STAG3: variants seen among roughly 807,000 people sequenced by gnomAD.
STAG3 encodes STAG3 cohesin complex component.
STAG3 carries 101 observed loss-of-function variants against 160.7 expected under a neutral mutation model. The observed-to-expected ratio is 0.63, with a 90% CI of 0.54 to 0.74. STAG3 has a LOEUF of 0.74. Among genes scored for constraint, STAG3 ranks in the 30% least tolerant of loss-of-function variants. The pLI is 0.00. For missense variants in STAG3, 1,188 were observed against 1,517.4 expected, an observed-to-expected ratio of 0.78 and a Z score of 3.61; for synonymous variants, 519 against 585.0, an observed-to-expected ratio of 0.89 and a Z score of 1.63.
intron 33 of STAG3, 67 bp from the exon 34 acceptor site, chr7:100,213,940 G>C (rs1422870538): frequency 6.2e-7 from 1 of 1,613,516 alleles, no homozygotes. Context: ...GGTAACCCAG[G>C]GGAGGATGGT....
chr7:100,214,409 G>A (rs189872166), downstream of STAG3: 27 of 250,820 alleles, frequency 1.1e-4, no homozygotes, highest in East Asian at 1.9e-3. Context: ...GCTTGAGATC[G>A]TTAAACTGAT....
chr7:100,185,638 T>G (rs1390390979), intron 4 of STAG3, among the ~76,000 whole-genome samples: 3 of 151,964 alleles, frequency 2.0e-5, no homozygotes, highest in Non-Finnish European at 4.4e-5. Flanking sequence ...AAAAAGATTA[T>G]TCTGATTATT....
intron 29 of STAG3, among the ~76,000 whole-genome samples, chr7:100,209,871 TG>T (rs1802016141): frequency 6.6e-6 from 1 of 152,012 alleles, no homozygotes; most frequent in Non-Finnish European, 1.5e-5. Flanking sequence ...GTATCTGAGA[TG>T]GGGAAGGCAG....
downstream of STAG3, chr7:100,218,303 T>A (rs562026590): frequency 1.8e-5 from 3 of 165,948 alleles, no homozygotes; most frequent in East Asian, 6.0e-4. Context: ...TAAAGAGTTA[T>A]GCTATAAACT....
intron 7 of STAG3, 49 bp downstream of exon 7, chr7:100,189,065 T>C (rs772093856): frequency 5.6e-6 from 9 of 1,594,916 alleles, no homozygotes; most frequent in Non-Finnish European, 6.9e-6. Context: ...TTTATAGGAC[T>C]TTCCTCTGTT....
rs1802149705 is a variant in STAG3, at chr7:100,211,055, GAA to G, written c.3285_3286del (p.Leu1097AlafsTer93). 2 of 1,613,924 alleles carry G rather than the reference GAA, an allele frequency of 1.2e-6. No homozygotes were observed. The highest frequency in any genetic ancestry group is 1.3e-5 in the African/African-American group (1 of 74,908). On this transcript the variant is annotated frameshift_variant, in exon 30 of 34. Coordinates refer to ENST00000615138, the MANE Select transcript of STAG3 (RefSeq NM_001282717.2). LOFTEE classifies it high-confidence loss of function. The part of the protein sequence containing the change: ...NREDVSSSQE[E>X]SLQLNSIPPT... Reference sequence around the variant, plus strand: ...AGAGGACGTCTCCTCGTCCCAGGAAGAAAGTCTGCAGCTGAACAGCATCCCGC... The same window carrying G: ...AGAGGACGTCTCCTCGTCCCAGGAAGAGTCTGCAGCTGAACAGCATCCCGC...
rs775168929 is a variant in STAG3, at chr7:100,197,793, C to T, written c.1081C>T (p.Leu361=). The stretch of plus-strand genomic sequence containing the variant: ...TCCTCACCAGCACCGAGAAGTCCGC[C>T]TGAAGTGTGTGAAGGCCCTGAAAGG... The part of the protein sequence containing the change: ...TLHDKHREVR[L]KCVKALKGLY... Residue 361 remains leucine (L), a synonymous_variant, in exon 11 of 34, where the codon CTG becomes TTG. Transcript: ENST00000615138. 7.4e-6 allele frequency: 12 copies of T among 1,613,772 alleles called. No individual in the cohort carries two copies. Among genetic ancestry groups the T allele is most frequent in the Middle Eastern group, 3.3e-4 (2 of 6,072 alleles).
At position 100,201,804 on chromosome 7, in the gene STAG3, A is replaced by C; in HGVS notation, c.2239A>C (p.Thr747Pro). The change falls in exon 22 of 34, where the codon ACT becomes CCT. Residue 747 changes from threonine to proline, a missense_variant. This residue lies in a region of STAG3 where 647 missense variants were observed against 717.2 expected (regional missense o/e 0.90). Coordinates refer to ENST00000615138, the MANE Select transcript of STAG3 (RefSeq NM_001282717.2). ...VPHQVILPALTLVYFSILWTL... is the reference protein window; with the variant it reads ...VPHQVILPALPLVYFSILWTL... The stretch of plus-strand genomic sequence containing the variant: ...GTTACAGGTTATCCTGCCAGCCTTG[A>C]CTCTTGTCTATTTTTCCATTCTCTG... 3 of 1,613,566 alleles carry C rather than the reference A, an allele frequency of 1.9e-6. No individual in the cohort carries two copies. The highest frequency in any genetic ancestry group is 2.5e-6 in the Non-Finnish European group (3 of 1,179,892).
At chr7:100,183,116 C>T (rs1799759794) in intron 4 of STAG3, among the ~76,000 whole-genome samples, 1 of 151,966 alleles carries the variant, frequency 6.6e-6, no homozygotes, top group East Asian at 1.9e-4. Context: ...TGGGTTCAAG[C>T]GATTCTTGTG....
chr7:100,212,014 GTTATATGTTGGTTTGGAC>G, intron 32 of STAG3, 138 bp downstream of exon 32: 1 of 714,358 alleles, frequency 1.4e-6, no homozygotes, highest in Non-Finnish European at 2.3e-6. Flanking sequence ...AGGAGGACAG[GTTATATGTTGGTTTGGAC>G]TTTGCTTGGA....
chr7:100,213,961 G>A (rs775419535), intron 33 of STAG3, 46 bp from the exon 34 acceptor site: 11 of 1,613,990 alleles, frequency 6.8e-6, no homozygotes, highest in Non-Finnish European at 9.3e-6. Context: ...CTGCCCATTG[G>A]CCCGTTGCTG....
chr7:100,198,280 C>T, intron 12 of STAG3, 114 bp downstream of exon 12: 1 of 1,181,400 alleles, frequency 8.5e-7, no homozygotes, highest in Non-Finnish European at 1.3e-6. Flanking sequence ...TGAGGTCATT[C>T]CTGAGTTGCA....
intron 33 of STAG3, 34 bp from the exon 34 acceptor site, chr7:100,213,973 G>C (rs1802537008): frequency 6.2e-7 from 1 of 1,614,020 alleles, no homozygotes. Flanking sequence ...CCGTTGCTGT[G>C]TCCTGTGTAT....
intron 25 of STAG3, among the ~76,000 whole-genome samples, chr7:100,203,575 C>T (rs1229025841): frequency 6.6e-6 from 1 of 151,734 alleles, no homozygotes; most frequent in East Asian, 1.9e-4. Flanking sequence ...AGTGCAGTGG[C>T]GTGATCTCGG....
chr7:100,195,647 G>A (rs1211332790), intron 9 of STAG3, among the ~76,000 whole-genome samples: 2 of 152,226 alleles, frequency 1.3e-5, no homozygotes, highest in African/African-American at 4.8e-5. Flanking sequence ...CTTTGCCCCA[G>A]ATCTGCCCCA....
chr7:100,180,880 G>GTTTTTT, intron 2 of STAG3: 7 of 221,682 alleles, frequency 3.2e-5, no homozygotes, highest in East Asian at 1.0e-4. Flanking sequence ...AGTACATCCT[G>GTTTTTT]TTTTTTTTTT....
intron 8 of STAG3, among the ~76,000 whole-genome samples, chr7:100,192,940 G>A (rs1394834586): frequency 1.3e-5 from 2 of 152,176 alleles, no homozygotes; most frequent in African/African-American, 2.4e-5. Flanking sequence ...GAATCACTGT[G>A]GCAGCTATAG....
chr7:100,200,109 T>C (rs1033905065), intron 16 of STAG3, 127 bp from the exon 17 acceptor site: 17 of 529,296 alleles, frequency 3.2e-5, no homozygotes, highest in Non-Finnish European at 4.2e-5. Context: ...AAAAAAGAAA[T>C]CTCGTGGGAG....
intron 8 of STAG3, among the ~76,000 whole-genome samples, chr7:100,190,267 G>A (rs1800275515): frequency 6.6e-6 from 1 of 152,152 alleles, no homozygotes. Context: ...AATCAGCTGG[G>A]TCTGTCATAA....
Sources: gnomAD v4.1 joint callset for allele counts (sites outside exome capture counted in the v4.1 genomes callset) on GRCh38, gnomAD v4.1.1 for gene constraint, gnomAD v4.1.1 regional missense constraint, MANE v1.5 for transcripts, NCBI Gene and HGNC (gene_info 2026-07-23, HGNC 2026-07-21) for gene names.